Variants in PCDHGC3 observed in about 807,000 individuals in gnomAD.
The protein encoded by PCDHGC3 is protocadherin gamma subfamily C, 3.
PCDHGC3 carries 26 observed loss-of-function variants against 59.2 expected under a neutral mutation model. That is an observed-to-expected ratio of 0.44 (90% confidence interval 0.32 to 0.61). PCDHGC3 has a LOEUF of 0.61. Ranked by LOEUF, PCDHGC3 falls within the 20% of genes least tolerant of loss-of-function variation. The probability of loss-of-function intolerance (pLI) is 0.05; values close to 1 mark genes in which losing one functional copy is unlikely to be tolerated. For missense variants in PCDHGC3, 1,080 were observed against 1,221.8 expected (o/e 0.88, Z 1.73); for synonymous variants, 487 against 519.7 (o/e 0.94, Z 0.86).
Position 141,511,703 on chromosome 5 carries a change from T to G in PCDHGC3, c.*530T>G, listed in dbSNP as rs148447880. On this transcript the variant is annotated 3_prime_UTR_variant, in exon 4 of 4. Coordinates refer to ENST00000308177, the MANE Select transcript of PCDHGC3 (RefSeq NM_002588.4). ...AAAGCATGGTTTGGTGCCAGCCCCT[T>G]CACCTCCTTCCAGAGCCCAAGATCA... The G allele has an allele frequency of 1.1e-4, 21 of 189,942 alleles. No homozygotes were observed. In the East Asian group the frequency reaches 2.4e-3, roughly 22 times the overall value. 11.8% of individuals were successfully genotyped at this position (189,942 alleles called of 1,614,324 possible).
rs2099455203 is a variant in PCDHGC3 at position 141,478,427 on chromosome 5, C to T, written c.2311C>T (p.Pro771Ser). The T allele has an allele frequency of 1.9e-6, 3 of 1,613,742 alleles. No individual in the cohort carries two copies. Among genetic ancestry groups the T allele is most frequent in the Non-Finnish European group, 2.5e-6 (3 of 1,180,014 alleles). Residue 771 changes from proline (P) to serine (S), a missense_variant, in exon 1 of 4, where the codon CCG becomes TCG. By Grantham distance (74) the Pro-to-Ser change is moderately conservative (BLOSUM62 -1). Coordinates refer to ENST00000308177, the MANE Select transcript of PCDHGC3 (RefSeq NM_002588.4). ...YLTTDSRRSDPLLKKPGAASP... is the reference protein window; with the variant it reads ...YLTTDSRRSDSLLKKPGAASP... ...CACCACGGACTCCCGCCGCAGCGAC[C>T]CGCTGCTGAAGAAACCTGGTGCAGC...
rs532907359 is a variant in PCDHGC3, at chr5:141,500,353, C to T, written c.2490-5040C>T. 1.9e-4 allele frequency among the ~76,000 whole-genome samples: 29 copies of T among 152,052 alleles called. No homozygotes were observed. The East Asian group carries it at 5.2e-3, about 27-fold the overall frequency. The stretch of plus-strand genomic sequence containing the variant: ...CCTCCAGAATAGCTGGGACTACAGG[C>T]GCCCACTACCACGCCCGGCTAATTA... On this transcript the variant is annotated intron_variant, in intron 2 of 3. Transcript: ENST00000308177.
At chr5:141,488,159 C>T (rs888153570) in intron 1 of PCDHGC3, among the ~76,000 whole-genome samples, 1 of 152,126 alleles carries the variant, frequency 6.6e-6, no homozygotes, top group Non-Finnish European at 1.5e-5. Flanking sequence ...GAGAGGCACG[C>T]ATCAGAGTGG....
At position 141,485,229 on chromosome 5, in the gene PCDHGC3, TC is replaced by T; in HGVS notation, c.2430+6685del. On this transcript the variant is annotated intron_variant, in intron 1 of 3. Transcript: ENST00000308177. The surrounding 1 kb of genome is among the most constrained non-coding windows in gnomAD (Gnocchi z 5.7). ...ATCTGGCGGTGGGCTACCCTTTTGT[TC>T]CTCTTTTACCACCTGGGTTACGTTT... 6.2e-7 allele frequency: 1 copy of T among 1,614,160 alleles called. No homozygotes were observed. The highest frequency in any genetic ancestry group is 8.5e-7 in the Non-Finnish European group (1 of 1,180,022).
chr5:141,476,083 T>C lies in PCDHGC3; in HGVS notation c.-34T>C. 1 of 1,547,886 alleles carries C rather than the reference T, an allele frequency of 6.5e-7. No homozygotes were observed. The highest frequency in any genetic ancestry group is 8.7e-7 in the Non-Finnish European group (1 of 1,153,242). The stretch of plus-strand genomic sequence containing the variant: ...TCTCAGCGAAATCTCAGGGACGATC[T>C]GGACCCCGCTGAGAGGAACTGCTTT... On this transcript the variant is annotated 5_prime_UTR_variant, in exon 1 of 4. Coordinates refer to ENST00000308177, the MANE Select transcript of PCDHGC3 (RefSeq NM_002588.4). This position sits in a 1 kb window ranked among gnomAD's most constrained non-coding sequence, Gnocchi z 7.6.
intron 1 of PCDHGC3, among the ~76,000 whole-genome samples, chr5:141,482,981 A>T (rs1377809325): frequency 6.7e-6 from 1 of 150,250 alleles, no homozygotes; most frequent in Admixed American, 6.6e-5. Flanking sequence ...GCTACTTGAG[A>T]GGTCGAGGCA....
At chr5:141,494,972 C>T (rs1005793988) in intron 2 of PCDHGC3, 107 bp downstream of exon 2, 69 of 1,581,734 alleles carry the variant, frequency 4.4e-5, no homozygotes, top group Non-Finnish European at 5.9e-5. Context: ...TGGCTTCTCC[C>T]TCAGTTTGAG....
chr5:141,505,602 A>G lies in PCDHGC3; in HGVS notation c.2578+121A>G, dbSNP rs1041288927. 4.6e-5 allele frequency: 71 copies of G among 1,534,990 alleles called. 1 individual carries two copies. In the Admixed American group the frequency reaches 1.4e-3, roughly 30 times the overall value. On this transcript the variant is annotated intron_variant, in intron 3 of 3. Coordinates refer to ENST00000308177, the MANE Select transcript of PCDHGC3 (RefSeq NM_002588.4). ...GTGTAGTTTCTCCAGATCTTTCGGC[A>G]GGTCTGAAAGGACCCACAATTCCAA...
rs1329649336 is a variant in PCDHGC3, at chr5:141,477,589, GCTTT to G, written c.1484_1487del (p.Phe495SerfsTer10). 2 of 1,614,130 alleles carry G rather than the reference GCTTT, an allele frequency of 1.2e-6. No homozygotes were observed. Among genetic ancestry groups the G allele is most frequent in the South Asian group, 1.1e-5 (1 of 91,086 alleles). ...ACCCCGACGCCCCGCAGAATGCTCGGCTTTCTTTCTTTCTCTTGGAGCAAGGAGC... is the reference window on the plus strand; with the variant it reads ...ACCCCGACGCCCCGCAGAATGCTCGGCTTTCTTTCTCTTGGAGCAAGGAGC... On this transcript the variant is annotated frameshift_variant, in exon 1 of 4. Coordinates refer to ENST00000308177, the MANE Select transcript of PCDHGC3 (RefSeq NM_002588.4). LOFTEE classifies it high-confidence loss of function. The surrounding 1 kb of genome is among the most constrained non-coding windows in gnomAD (Gnocchi z 4.9).
At position 141,511,199 on chromosome 5, in the gene PCDHGC3, G is replaced by C. The variant is rs1303066281; in HGVS notation, c.*26G>C. On this transcript the variant is annotated 3_prime_UTR_variant, in exon 4 of 4. Coordinates refer to ENST00000308177, the MANE Select transcript of PCDHGC3 (RefSeq NM_002588.4). The stretch of plus-strand genomic sequence containing the variant: ...CATGGAGGCCAGGCCAAGAGCCACA[G>C]GGCGGCCTCTCCCCAACCAGCCCAG... 6.2e-6 allele frequency: 10 copies of C among 1,612,868 alleles called. No individual in the cohort carries two copies. In the East Asian group the frequency reaches 2.2e-4, roughly 36 times the overall value.
Position 141,476,075 on chromosome 5 carries a change from G to T in PCDHGC3, c.-42G>T. ...TGAAAGTTTCTCAGCGAAATCTCAG[G>T]GACGATCTGGACCCCGCTGAGAGGA... On this transcript the variant is annotated 5_prime_UTR_variant, in exon 1 of 4. Coordinates refer to ENST00000308177, the MANE Select transcript of PCDHGC3 (RefSeq NM_002588.4). This position sits in a 1 kb window ranked among gnomAD's most constrained non-coding sequence, Gnocchi z 7.6. The T allele has an allele frequency of 6.6e-7, 1 of 1,526,282 alleles. No homozygotes were observed. The highest frequency in any genetic ancestry group is 1.3e-5 in the South Asian group (1 of 78,462). The allele number at this position is 1,526,282 out of a possible 1,614,324, so 94.5% of individuals were successfully genotyped here.
Position 141,490,318 on chromosome 5 carries a change from C to T in PCDHGC3, c.2431-4489C>T. ...ATTGGCCTCTTTGGCCAACCCTGTCCTAGAGAGCACACCAGTGGGCACAGT... is the reference window on the plus strand; with the variant it reads ...ATTGGCCTCTTTGGCCAACCCTGTCTTAGAGAGCACACCAGTGGGCACAGT... On this transcript the variant is annotated intron_variant, in intron 1 of 3. Transcript: ENST00000308177. The surrounding 1 kb of genome is among the most constrained non-coding windows in gnomAD (Gnocchi z 5.4). 1 of 1,614,220 alleles carries T rather than the reference C, an allele frequency of 6.2e-7. No homozygotes were observed.
Position 141,491,652 on chromosome 5 carries a change from G to T in PCDHGC3, c.2431-3155G>T. ...AGCAGCCCACAGCTCTGGCGCTGGA[G>T]CCTGACGCCATCCGGTCCCGCTCTA... On this transcript the variant is annotated intron_variant, in intron 1 of 3. Transcript: ENST00000308177. The surrounding 1 kb of genome is among the most constrained non-coding windows in gnomAD (Gnocchi z 6.9). The T allele has an allele frequency of 6.2e-7, 1 of 1,613,844 alleles. No homozygotes were observed.
In PCDHGC3 at chr5:141,485,132, T is replaced by C. The variant is rs1020670896; in HGVS notation, c.2430+6586T>C. On this transcript the variant is annotated intron_variant, in intron 1 of 3. Transcript: ENST00000308177. This position sits in a 1 kb window ranked among gnomAD's most constrained non-coding sequence, Gnocchi z 5.7. ...GGCTGTTTGGGGCGGGTCGGCTTCATCCGCGTCTCAGGAGCAAGTAGAGAA... is the reference window on the plus strand; with the variant it reads ...GGCTGTTTGGGGCGGGTCGGCTTCACCCGCGTCTCAGGAGCAAGTAGAGAA... 8.1e-6 allele frequency: 12 copies of C among 1,489,136 alleles called. No individual in the cohort carries two copies. Among genetic ancestry groups the C allele is most frequent in the East Asian group, 2.3e-5 (1 of 44,214 alleles). The allele number at this position is 1,489,136 out of a possible 1,614,324, so 92.2% of individuals were successfully genotyped here.
In PCDHGC3 at chr5:141,489,906, C is replaced by T. The variant is rs550717535; in HGVS notation, c.2431-4901C>T. On this transcript the variant is annotated intron_variant, in intron 1 of 3. Transcript: ENST00000308177. The surrounding 1 kb of genome is among the most constrained non-coding windows in gnomAD (Gnocchi z 4.5). ...CTGTGGATGGGGGGACCCCAGCCCG[C>T]TCAGGGACCACCCTTATCTCTGTCA... 4.5e-5 allele frequency: 72 copies of T among 1,614,234 alleles called. No individual in the cohort carries two copies. In the African/African-American group the frequency reaches 5.6e-4, roughly 13 times the overall value.
rs199952854 is a variant in PCDHGC3 at position 141,477,297 on chromosome 5, G to T, written c.1181G>T (p.Gly394Val). 4 of 1,614,176 alleles carry T rather than the reference G, an allele frequency of 2.5e-6. No individual in the cohort carries two copies. Among genetic ancestry groups the T allele is most frequent in the Non-Finnish European group, 3.4e-6 (4 of 1,180,040 alleles). The change falls in exon 1 of 4, where the codon GGT (glycine) becomes GTT (valine). Residue 394 changes from glycine to valine, a missense_variant. Gly to Val is a moderately radical substitution (Grantham distance 109). Coordinates refer to ENST00000308177, the MANE Select transcript of PCDHGC3 (RefSeq NM_002588.4). The surrounding 1 kb of genome is among the most constrained non-coding windows in gnomAD (Gnocchi z 4.9). Reference protein sequence around the residue: ...NGLVTCEVPPGLPFSLTSSLK... With the variant: ...NGLVTCEVPPVLPFSLTSSLK... ...CTGGTGACCTGCGAAGTTCCACCGGGTCTCCCTTTCAGCCTTACTTCTTCC... is the reference window on the plus strand; with the variant it reads ...CTGGTGACCTGCGAAGTTCCACCGGTTCTCCCTTTCAGCCTTACTTCTTCC...
rs1168799961 is a variant in PCDHGC3, at chr5:141,487,844, A to G, written c.2431-6963A>G. ...CGGGTCATGCCTATATCTGAGTAAG[A>G]AATGAAAGTAATTGGTGATCAAGAG... On this transcript the variant is annotated intron_variant, in intron 1 of 3. Coordinates refer to ENST00000308177, the MANE Select transcript of PCDHGC3 (RefSeq NM_002588.4). The surrounding 1 kb of genome is among the most constrained non-coding windows in gnomAD (Gnocchi z 5.0). 2 of 1,043,076 alleles carry G rather than the reference A, an allele frequency of 1.9e-6. No homozygotes were observed. Among genetic ancestry groups the G allele is most frequent in the Non-Finnish European group, 2.7e-6 (2 of 730,916 alleles). The allele number at this position is 1,043,076 out of a possible 1,614,324, so 64.6% of individuals were successfully genotyped here.
chr5:141,509,830 T>A (rs1328716142), intron 3 of PCDHGC3, among the ~76,000 whole-genome samples: 1 of 152,204 alleles, frequency 6.6e-6, no homozygotes, highest in African/African-American at 2.4e-5. Flanking sequence ...ATCTTCTCTC[T>A]ACCTCCCATT....
At chr5:141,480,873 C>T (rs1026513782) in intron 1 of PCDHGC3, among the ~76,000 whole-genome samples, 5 of 152,050 alleles carry the variant, frequency 3.3e-5, no homozygotes, top group Non-Finnish European at 7.4e-5. Context: ...GGTGAAACCC[C>T]GTCTCTACTA....
Sources: gnomAD v4.1 joint callset for allele counts (sites outside exome capture counted in the v4.1 genomes callset) on GRCh38, gnomAD v4.1.1 for gene constraint, Gnocchi (gnomAD v3.1) non-coding constraint, MANE v1.5 for transcripts, NCBI Gene and HGNC (gene_info 2026-07-23, HGNC 2026-07-21) for gene names.